TTC21B: variants seen among roughly 807,000 people sequenced by gnomAD.
TTC21B encodes the protein tetratricopeptide repeat domain 21B, also known as tetratricopeptide repeat protein 21B.
In TTC21B, 127 loss-of-function variants were observed where a neutral mutation model predicts 175.1. The ratio of observed to expected loss-of-function variants is 0.73; its 90% CI spans 0.63 to 0.84. TTC21B has a LOEUF of 0.84. Ranked by LOEUF, TTC21B falls within the 40% of genes least tolerant of loss-of-function variation. The pLI is 0.00. For synonymous variants in TTC21B, 524 were observed against 524.5 expected (o/e 1.00, Z 0.01); for missense variants, 1,561 against 1,558.3 (o/e 1.00, Z -0.03).
intron 24 of TTC21B, 78 bp from the exon 25 acceptor site, chr2:165,888,552 C>G (rs1384338702): frequency 1.7e-6 from 2 of 1,145,418 alleles, no homozygotes; most frequent in Non-Finnish European, 2.6e-6. Context: ...AGCTTTTGTA[C>G]ACAAAAGCTC....
At chr2:165,918,993 G>A (rs920585689) in intron 13 of TTC21B, among the ~76,000 whole-genome samples, 10 of 152,076 alleles carry the variant, frequency 6.6e-5, no homozygotes, top group African/African-American at 2.4e-4. Context: ...CATTGTAACA[G>A]CAGAGTATTA....
chr2:165,895,323 T>G (rs948090459), intron 22 of TTC21B, among the ~76,000 whole-genome samples: 5 of 152,184 alleles, frequency 3.3e-5, no homozygotes, highest in Non-Finnish European at 7.3e-5. Flanking sequence ...AAGCCAATTT[T>G]TTTGGGAAAA....
intron 12 of TTC21B, among the ~76,000 whole-genome samples, chr2:165,920,051 G>A (rs766656161): frequency 3.9e-5 from 6 of 152,146 alleles, no homozygotes; most frequent in Non-Finnish European, 8.8e-5. Flanking sequence ...AGGAATTGAG[G>A]AATTGACCTC....
At chr2:165,900,008 CAAA>C (rs200057550) in intron 20 of TTC21B, 128 bp from the exon 21 acceptor site, 287 of 140,262 alleles carry the variant, frequency 2.0e-3, no homozygotes, top group Middle Eastern at 5.6e-3. Flanking sequence ...GTATAATAGA[CAAA>C]AAAAAAAAAA....
chr2:165,926,303 A>G (rs1686626553), intron 11 of TTC21B, among the ~76,000 whole-genome samples: 1 of 152,238 alleles, frequency 6.6e-6, no homozygotes, highest in Non-Finnish European at 1.5e-5. Flanking sequence ...GAAATCCATT[A>G]AAACATTGAG....
chr2:165,903,458 A>G (rs1033015253), intron 19 of TTC21B, among the ~76,000 whole-genome samples: 2 of 152,232 alleles, frequency 1.3e-5, no homozygotes, highest in African/African-American at 2.4e-5. Context: ...GGAAGCTACT[A>G]TGCCATGTTT....
chr2:165,896,764 TG>T (rs757844617), intron 22 of TTC21B, among the ~76,000 whole-genome samples: 4 of 152,252 alleles, frequency 2.6e-5, no homozygotes, highest in Non-Finnish European at 5.9e-5. Context: ...TAGTTTCTGT[TG>T]TCCCTTTCTT....
chr2:165,903,602 G>A (rs1049005636), intron 19 of TTC21B, among the ~76,000 whole-genome samples: 1 of 152,112 alleles, frequency 6.6e-6, no homozygotes, highest in Non-Finnish European at 1.5e-5. Context: ...AAGAAATAAC[G>A]ATGGAGTCAG....
At chr2:165,936,654 G>GC (rs1229210776) in intron 6 of TTC21B, among the ~76,000 whole-genome samples, 1 of 151,854 alleles carries the variant, frequency 6.6e-6, no homozygotes, top group African/African-American at 2.4e-5. Context: ...CACATAACAA[G>GC]CAAGATACAC....
rs1439066444 is a variant in TTC21B, at chr2:165,874,702, A to G, written c.*53T>C. The G allele has an allele frequency of 1.5e-5, 23 of 1,527,618 alleles. No homozygotes were observed. Among genetic ancestry groups the G allele is most frequent in the Non-Finnish European group, 2.1e-5 (23 of 1,101,820 alleles). The allele number at this position is 1,527,618 out of a possible 1,614,324, so 94.6% of individuals were successfully genotyped here. On this transcript the variant is annotated 3_prime_UTR_variant, in exon 29 of 29. Coordinates refer to ENST00000243344, the MANE Select transcript of TTC21B (RefSeq NM_024753.5). ...ACCTGTTTTGAACAGGAAGAACTGA[A>G]AGTTAGATTTCTTTCATTTCCTGTT...
intron 22 of TTC21B, among the ~76,000 whole-genome samples, chr2:165,896,471 C>T (rs527440774): frequency 8.3e-4 from 126 of 152,144 alleles, no homozygotes; most frequent in African/African-American, 2.9e-3. Context: ...TAGTTTTTTG[C>T]TTTTGTTTCA....
In TTC21B at chr2:165,917,401, T is replaced by A; in HGVS notation, c.1755A>T (p.Thr585=). The change falls in exon 14 of 29, where the codon ACA becomes ACT. Residue 585 remains threonine (T), a synonymous_variant. Coordinates refer to ENST00000243344, the MANE Select transcript of TTC21B (RefSeq NM_024753.5). ...CTGGTAAACTCATTGCCATATGCAG[T>A]GTTTTAATTGCGTCTGCTATTTCTC... ...KMGEIADAIK[T]LHMAMSLPGM... 6.2e-7 allele frequency: 1 copy of A among 1,614,206 alleles called. No individual in the cohort carries two copies. Among genetic ancestry groups the A allele is most frequent in the Non-Finnish European group, 8.5e-7 (1 of 1,180,026 alleles).
At chr2:165,932,764 C>G (rs1274720848) in intron 7 of TTC21B, among the ~76,000 whole-genome samples, 2 of 151,940 alleles carry the variant, frequency 1.3e-5, no homozygotes, top group Non-Finnish European at 2.9e-5. Flanking sequence ...GTAATATTAA[C>G]TGTATAGTAT....
At chr2:165,876,392 A>G (rs1226603318) in intron 27 of TTC21B, among the ~76,000 whole-genome samples, 160 bp from the exon 28 acceptor site, 1 of 152,254 alleles carries the variant, frequency 6.6e-6, no homozygotes, top group Non-Finnish European at 1.5e-5. Context: ...TGATAATAGA[A>G]GACAGAGTGA....
intron 5 of TTC21B, among the ~76,000 whole-genome samples, chr2:165,942,962 G>A (rs957789154): frequency 1.3e-5 from 2 of 152,110 alleles, no homozygotes; most frequent in African/African-American, 2.4e-5. Flanking sequence ...AAATGCTGAG[G>A]AAAGAATGTG....
chr2:165,880,543 C>G, intron 27 of TTC21B, 136 bp downstream of exon 27: 2 of 930,884 alleles, frequency 2.1e-6, no homozygotes, highest in Non-Finnish European at 1.6e-6. Context: ...AAAATTTATT[C>G]TCCTTTCAGA....
Position 165,929,012 on chromosome 2 carries a change from A to G in TTC21B, c.1386+123T>C, listed in dbSNP as rs985232208. On this transcript the variant is annotated intron_variant, in intron 11 of 28. Coordinates refer to ENST00000243344, the MANE Select transcript of TTC21B (RefSeq NM_024753.5). ...CTGATTAAAAGCGATTTCAACTAAC[A>G]TAGGTACAAATACTACCATTTTAAG... is the stretch of plus-strand genomic sequence containing the variant. 10 of 865,360 alleles carry G rather than the reference A, an allele frequency of 1.2e-5. No homozygotes were observed. The African/African-American group carries it at 1.2e-4, about 10-fold the overall frequency. The allele number at this position is 865,360 out of a possible 1,614,324, so 53.6% of individuals were successfully genotyped here.
intron 3 of TTC21B, chr2:165,947,926 G>GT (rs1162943913): frequency 1.3e-5 from 2 of 152,138 alleles, no homozygotes; most frequent in African/African-American, 4.8e-5. Context: ...ATCAACACTG[G>GT]TAAGAATAAC....
At chr2:165,876,113 T>C (rs1559033765) in intron 28 of TTC21B, 52 bp downstream of exon 28, 6 of 1,033,902 alleles carry the variant, frequency 5.8e-6, no homozygotes, top group Non-Finnish European at 9.1e-6. Flanking sequence ...TTTAAAAAAG[T>C]AGGAAATTGT....
Sources: allele counts gnomAD v4.1 joint callset (sites outside exome capture counted in the v4.1 genomes callset), GRCh38; gene constraint gnomAD v4.1.1; transcripts MANE v1.5; gene names NCBI Gene and HGNC (gene_info 2026-07-23, HGNC 2026-07-21).